Variants in MXI1 observed in about 807,000 individuals in gnomAD.
The protein encoded by MXI1 is max-interacting protein 1.
A neutral mutation model predicts 36.9 loss-of-function variants in MXI1; 18 were observed. The ratio of observed to expected loss-of-function variants is 0.49; its 90% confidence interval spans 0.34 to 0.72. The LOEUF (loss-of-function observed/expected upper bound fraction) is 0.72. Ranked by LOEUF, MXI1 falls within the 30% of genes least tolerant of loss-of-function variation. The pLI is 0.01. For missense variants in MXI1, 304 were observed against 379.1 expected (o/e 0.80, Z 1.64); for synonymous variants, 160 against 146.7 (o/e 1.09, Z -0.65).
In MXI1 at chr10:110,280,003, G is replaced by T. The variant is rs1857176051; in HGVS notation, c.642G>T (p.Leu214=). The change falls in exon 5 of 6, where the codon CTG becomes CTT. Residue 214 remains leucine, a synonymous_variant. Coordinates refer to ENST00000332674, the MANE Select transcript of MXI1 (RefSeq NM_130439.3). ...TTTTAAAGTGGCGACTGGAACAGCT[G>T]CAGGGTCCTCAGGAGATGGAACGAA... is the stretch of plus-strand genomic sequence containing the variant. ...QRFLKWRLEQ[L]QGPQEMERIR... is the part of the protein sequence containing the mutation. The T allele has an allele frequency of 6.2e-7, 1 of 1,613,408 alleles. No homozygotes were observed. The highest frequency in any genetic ancestry group is 8.5e-7 in the Non-Finnish European group (1 of 1,179,516).
Position 110,208,177 on chromosome 10 carries a change from C to T in MXI1, c.274+95C>T, listed in dbSNP as rs537645821. The stretch of plus-strand genomic sequence containing the variant: ...GTTGCGAGCTCGGCCCGTCCCCCCC[C>T]CGCCCAACATACACATCCAGCCCTT... On this transcript the variant is annotated intron_variant, in intron 1 of 5. Coordinates refer to ENST00000332674, the MANE Select transcript of MXI1 (RefSeq NM_130439.3). 3.4e-4 allele frequency: 447 copies of T among 1,320,052 alleles called. 11 individuals carry two copies. In the East Asian group the frequency reaches 9.4e-3, roughly 28 times the overall value. 81.8% of individuals were successfully genotyped at this position (1,320,052 alleles called of 1,614,324 possible).
chr10:110,253,281 C>T (rs971659743), intron 3 of MXI1, among the ~76,000 whole-genome samples: 19 of 151,848 alleles, frequency 1.3e-4, no homozygotes, highest in African/African-American at 4.1e-4. Flanking sequence ...TACTGCCTAT[C>T]GTGTCCCCAT....
intron 3 of MXI1, chr10:110,257,159 A>C (rs1160205190): frequency 1.3e-5 from 2 of 152,280 alleles, no homozygotes; most frequent in African/African-American, 4.8e-5. Flanking sequence ...CAGACATGCG[A>C]TTCTACAAAA....
At chr10:110,264,173 A>G (rs1022093383) in intron 3 of MXI1, among the ~76,000 whole-genome samples, 6 of 152,086 alleles carry the variant, frequency 3.9e-5, no homozygotes, top group African/African-American at 1.4e-4. Context: ...AGTTTGATTC[A>G]TTTGAAGGCT....
intron 1 of MXI1, among the ~76,000 whole-genome samples, chr10:110,215,422 A>G (rs913108516): frequency 6.6e-6 from 1 of 152,166 alleles, no homozygotes; most frequent in Non-Finnish European, 1.5e-5. Context: ...AGCATCCATC[A>G]TCTGTACAGT....
chr10:110,254,637 G>A (rs1256936705), intron 3 of MXI1, among the ~76,000 whole-genome samples: 1 of 152,166 alleles, frequency 6.6e-6, no homozygotes, highest in East Asian at 1.9e-4. Flanking sequence ...GGAATTAAAA[G>A]TGCTACTCTG....
At chr10:110,258,621 T>C (rs1287997886) in intron 3 of MXI1, among the ~76,000 whole-genome samples, 2 of 152,288 alleles carry the variant, frequency 1.3e-5, no homozygotes, top group East Asian at 1.9e-4. Flanking sequence ...CTGAAAACTG[T>C]AGACCAACTA....
chr10:110,272,889 C>T (rs1228237026), intron 3 of MXI1, among the ~76,000 whole-genome samples: 1 of 151,978 alleles, frequency 6.6e-6, no homozygotes, highest in Non-Finnish European at 1.5e-5. Context: ...CCCATGACTA[C>T]CACAATCAGA....
chr10:110,238,062 G>A (rs1448988408), intron 2 of MXI1, among the ~76,000 whole-genome samples: 2 of 152,174 alleles, frequency 1.3e-5, no homozygotes, highest in Non-Finnish European at 2.9e-5. Flanking sequence ...CTTTTTCCAT[G>A]GAATCAGGAT....
intron 2 of MXI1, 79 bp from the exon 3 acceptor site, chr10:110,244,749 C>T: frequency 8.4e-7 from 1 of 1,184,880 alleles, no homozygotes; most frequent in Non-Finnish European, 1.2e-6. Flanking sequence ...CTAGGTGTAG[C>T]ATAGCAGTAA....
rs571996935 is a variant in MXI1, at chr10:110,270,326, A to C, written c.438-8854A>C. 5.9e-5 allele frequency among the ~76,000 whole-genome samples: 9 copies of C among 152,314 alleles called. No individual in the cohort carries two copies. The South Asian group carries it at 1.9e-3, about 32-fold the overall frequency. ...AGAGGGGAAGTATGCATAGAAACTA[A>C]ATTTAGCACAGAATGGATGTCAAGT... On this transcript the variant is annotated intron_variant, in intron 3 of 5. Transcript: ENST00000332674.
In MXI1 at chr10:110,285,893, T is replaced by A. The variant is rs1857416699; in HGVS notation, c.*906T>A. On this transcript the variant is annotated 3_prime_UTR_variant, in exon 6 of 6. Transcript: ENST00000332674. The stretch of plus-strand genomic sequence containing the variant: ...GCAGCATTTTTATTTCAGATTTTGA[T>A]AACTGTTTATATGTGTTGAAAACCA... 1 of 152,600 alleles carries A rather than the reference T, an allele frequency of 6.6e-6. No homozygotes were observed. 9.5% of individuals were successfully genotyped at this position (152,600 alleles called of 1,614,324 possible). A position where few individuals can be genotyped will look rare whatever the true frequency, so the allele number is the denominator to read the frequency against.
chr10:110,210,337 C>A, intron 1 of MXI1: 4 of 960,488 alleles, frequency 4.2e-6, no homozygotes, highest in Non-Finnish European at 5.0e-6. Flanking sequence ...GTCCCTCGGC[C>A]CCGCAGCCCC....
intron 1 of MXI1, chr10:110,227,323 C>CGCGT: frequency 2.1e-6 from 2 of 960,278 alleles, no homozygotes; most frequent in Non-Finnish European, 2.4e-6. Context: ...GGGAGGGGCG[C>CGCGT]GCGTGCGTGG....
At chr10:110,228,369 C>T in intron 2 of MXI1, 48 bp downstream of exon 2, 7 of 1,609,640 alleles carry the variant, frequency 4.3e-6, no homozygotes, top group Non-Finnish European at 5.9e-6. Flanking sequence ...GGAAGGAGCA[C>T]ATTTCTCCTG....
rs1857432083 is a variant in MXI1 at position 110,286,649 on chromosome 10, TTAA to T, written c.*1664_*1666del. 6.6e-6 allele frequency: 1 copy of T among 152,654 alleles called. No individual in the cohort carries two copies. Among genetic ancestry groups the T allele is most frequent in the African/African-American group, 2.4e-5 (1 of 41,460 alleles). 9.5% of individuals were successfully genotyped at this position (152,654 alleles called of 1,614,324 possible). On this transcript the variant is annotated 3_prime_UTR_variant, in exon 6 of 6. Coordinates refer to ENST00000332674, the MANE Select transcript of MXI1 (RefSeq NM_130439.3). ...TTTAGCAGTGCAGTTGAGTTGTGTG[TTAA>T]TGTTAGACTATCCCTTTGTGAGTGA...
chr10:110,262,051 C>G (rs972088480), intron 3 of MXI1, among the ~76,000 whole-genome samples: 1 of 151,924 alleles, frequency 6.6e-6, no homozygotes, highest in African/African-American at 2.4e-5. Context: ...AATGGCATTT[C>G]AATATGATCT....
chr10:110,285,528 A>AT lies in MXI1; in HGVS notation c.*553dup, dbSNP rs376761325. The AT allele has an allele frequency of 0.47, 68,044 of 145,774 alleles. 17,915 individuals carry two copies. The highest frequency in any genetic ancestry group is 0.83 in the East Asian group (4,269 of 5,116). The allele number at this position is 145,774 out of a possible 1,614,324, so 9.0% of individuals were successfully genotyped here. A position where few individuals can be genotyped will look rare whatever the true frequency, so the allele number is the denominator to read the frequency against. On this transcript the variant is annotated 3_prime_UTR_variant, in exon 6 of 6. Transcript: ENST00000332674. ...TGTGGATGATCAATCCTTTATTATTATTTTTTTTTTTTGAAAAAAGCTCAT... is the reference window on the plus strand; with the variant it reads ...TGTGGATGATCAATCCTTTATTATTATTTTTTTTTTTTTGAAAAAAGCTCAT...
At chr10:110,221,040 A>G (rs1451420755) in intron 1 of MXI1, among the ~76,000 whole-genome samples, 1 of 152,256 alleles carries the variant, frequency 6.6e-6, no homozygotes, top group Non-Finnish European at 1.5e-5. Flanking sequence ...TCTTTTAATT[A>G]TAGTGGAAGG....
Sources: gnomAD v4.1 joint callset for allele counts (sites outside exome capture counted in the v4.1 genomes callset) on GRCh38, gnomAD v4.1.1 for gene constraint, MANE v1.5 for transcripts, NCBI Gene and HGNC (gene_info 2026-07-23, HGNC 2026-07-21) for gene names.